Variants in DISC1 observed in about 807,000 individuals in gnomAD.
DISC1 encodes the protein disrupted in schizophrenia 1 protein.
Under a neutral mutation model 84.5 loss-of-function variants are expected in DISC1, and 57 were observed. That is an observed-to-expected ratio of 0.67 (90% CI 0.55 to 0.84). The LOEUF is 0.84. Ranked by LOEUF, DISC1 falls within the 40% of genes least tolerant of loss-of-function variation. The pLI, the probability that DISC1 is intolerant of heterozygous loss-of-function variation, is 0.00. For missense variants in DISC1, 1,000 were observed against 1,057.8 expected (o/e 0.95, Z 0.76); for synonymous variants, 411 against 415.2 (o/e 0.99, Z 0.12).
rs141906238 is a variant in DISC1, at chr1:232,041,170, T to C, written c.*4339T>C. Reference sequence around the variant, plus strand: ...TTTTTGTCCTTTGAAGTATGGATGATAGAAAAATGTATCAGGTTTATTCAT... The same window carrying C: ...TTTTTGTCCTTTGAAGTATGGATGACAGAAAAATGTATCAGGTTTATTCAT... On this transcript the variant is annotated 3_prime_UTR_variant, in exon 13 of 13. Transcript: ENST00000439617. 1.3e-5 allele frequency: 2 copies of C among 152,348 alleles called. No homozygotes were observed. The highest frequency in any genetic ancestry group is 3.9e-4 in the East Asian group (2 of 5,188). 9.4% of individuals were successfully genotyped at this position (152,348 alleles called of 1,614,324 possible). A position where few individuals can be genotyped will look rare whatever the true frequency, so the allele number is the denominator to read the frequency against.
intron 9 of DISC1, among the ~76,000 whole-genome samples, chr1:231,907,051 T>C (rs2088742384): frequency 7.6e-6 from 1 of 130,964 alleles, no homozygotes; most frequent in Non-Finnish European, 1.6e-5. Context: ...CCCTCCCTCC[T>C]CCCTCCCTTC....
chr1:231,781,251 CAG>C (rs2077407357), intron 6 of DISC1, among the ~76,000 whole-genome samples: 1 of 141,052 alleles, frequency 7.1e-6, no homozygotes, highest in Non-Finnish European at 1.5e-5. Flanking sequence ...TTTTGAATAA[CAG>C]AACAAAGGAG....
intron 9 of DISC1, among the ~76,000 whole-genome samples, chr1:231,851,780 G>A (rs11122350): frequency 6.6e-6 from 1 of 152,166 alleles, no homozygotes; most frequent in East Asian, 1.9e-4. Flanking sequence ...CTCATGGGCC[G>A]GCGGAAGAAT....
intron 3 of DISC1, among the ~76,000 whole-genome samples, chr1:231,726,235 T>C (rs985515729): frequency 3.9e-5 from 6 of 152,210 alleles, no homozygotes; most frequent in Non-Finnish European, 8.8e-5. Context: ...AATATCAGCA[T>C]CGTTCCTGAT....
At chr1:231,662,325 C>A (rs1386268967) in intron 1 of DISC1, among the ~76,000 whole-genome samples, 2 of 152,210 alleles carry the variant, frequency 1.3e-5, no homozygotes, top group Non-Finnish European at 2.9e-5. Context: ...TGTTTGCATT[C>A]TCCAAAGCCA....
chr1:231,813,436 G>T (rs996779328), intron 8 of DISC1: 3 of 152,216 alleles, frequency 2.0e-5, no homozygotes, highest in African/African-American at 7.2e-5. Flanking sequence ...CCTCTGTGCT[G>T]GTCCTCCTGC....
At chr1:231,938,449 A>G (rs2091111150) in intron 9 of DISC1, among the ~76,000 whole-genome samples, 1 of 152,212 alleles carries the variant, frequency 6.6e-6, no homozygotes, top group Non-Finnish European at 1.5e-5. Context: ...TGAAGCTGAC[A>G]GCACACAAGA....
At chr1:231,703,612 C>T (rs1389810498) in intron 3 of DISC1, among the ~76,000 whole-genome samples, 1 of 152,202 alleles carries the variant, frequency 6.6e-6, no homozygotes, top group African/African-American at 2.4e-5. Context: ...TGCTTAGGAC[C>T]TGGTGAACTT....
intron 10 of DISC1, among the ~76,000 whole-genome samples, chr1:231,983,950 A>C (rs1664030594): frequency 6.6e-6 from 1 of 152,166 alleles, no homozygotes; most frequent in Non-Finnish European, 1.5e-5. Context: ...GAAATAGATA[A>C]TTTTATTATT....
At chr1:231,696,487 C>A (rs561921767) in intron 2 of DISC1, among the ~76,000 whole-genome samples, 1 of 152,204 alleles carries the variant, frequency 6.6e-6, no homozygotes, top group Non-Finnish European at 1.5e-5. Context: ...ATGGTAGAAT[C>A]TGGACACACT....
chr1:231,949,527 C>G (rs199944376), intron 9 of DISC1, among the ~76,000 whole-genome samples: 4 of 152,114 alleles, frequency 2.6e-5, no homozygotes, highest in Non-Finnish European at 4.4e-5. Context: ...CTGCCAAATC[C>G]ATTTGGCATA....
intron 7 of DISC1, among the ~76,000 whole-genome samples, chr1:231,796,293 T>A (rs17817721): frequency 2.6e-5 from 4 of 151,736 alleles, no homozygotes; most frequent in South Asian, 2.1e-4. Context: ...GAACTGGGTA[T>A]GAATCATTCA....
intron 12 of DISC1, among the ~76,000 whole-genome samples, chr1:232,028,280 A>G (rs1309446454): frequency 6.6e-6 from 1 of 152,174 alleles, no homozygotes; most frequent in Non-Finnish European, 1.5e-5. Context: ...TCCCCAGCTC[A>G]GCAGATGGGC....
At position 231,958,818 on chromosome 1, in the gene DISC1, T is replaced by C; in HGVS notation, c.1982-10T>C. ...TTGCATTAACTTTGGATTTCCTTTTTTTCCCCCAGAAACAAGTGTGAAGGA... is the reference window on the plus strand; with the variant it reads ...TTGCATTAACTTTGGATTTCCTTTTCTTCCCCCAGAAACAAGTGTGAAGGA... On this transcript the variant is annotated splice_polypyrimidine_tract_variant and intron_variant, in intron 9 of 12. Coordinates refer to ENST00000439617, the MANE Select transcript of DISC1 (RefSeq NM_018662.3). The C allele has an allele frequency of 6.2e-7, 1 of 1,613,444 alleles. No individual in the cohort carries two copies. Among genetic ancestry groups the C allele is most frequent in the Non-Finnish European group, 8.5e-7 (1 of 1,179,708 alleles).
chr1:231,799,659 G>T (rs750128548), intron 7 of DISC1, among the ~76,000 whole-genome samples: 2 of 151,722 alleles, frequency 1.3e-5, no homozygotes, highest in Non-Finnish European at 2.9e-5. Flanking sequence ...AGGAGGATTC[G>T]GCAGAGGCCT....
At chr1:231,741,031 C>A (rs903789726) in intron 3 of DISC1, among the ~76,000 whole-genome samples, 1 of 152,190 alleles carries the variant, frequency 6.6e-6, no homozygotes. Flanking sequence ...TTTTGTTTAT[C>A]AGCTTGTGCA....
intron 11 of DISC1, among the ~76,000 whole-genome samples, chr1:232,019,811 G>A (rs1668790971): frequency 6.6e-6 from 1 of 152,120 alleles, no homozygotes. Context: ...TTATGGACTT[G>A]TGGATGAGAG....
chr1:231,667,392 C>T (rs1236465414), intron 1 of DISC1, among the ~76,000 whole-genome samples: 1 of 152,180 alleles, frequency 6.6e-6, no homozygotes, highest in Non-Finnish European at 1.5e-5. Flanking sequence ...CCCTCCTGTT[C>T]CTGATAAGCT....
intron 1 of DISC1, among the ~76,000 whole-genome samples, chr1:231,681,380 G>A (rs760781507): frequency 2.6e-5 from 4 of 151,688 alleles, no homozygotes; most frequent in African/African-American, 2.4e-5. Flanking sequence ...TATGTGATCC[G>A]TGTTGGGCTC....
Sources: allele counts gnomAD v4.1 joint callset (sites outside exome capture counted in the v4.1 genomes callset), GRCh38; gene constraint gnomAD v4.1.1; transcripts MANE v1.5; gene names NCBI Gene and HGNC (gene_info 2026-07-23, HGNC 2026-07-21).